The following CACNA1C variants were observed in gnomAD, a reference collection of about 807,000 sequenced individuals.
CACNA1C encodes calcium voltage-gated channel subunit alpha1 C.
In CACNA1C, 30 loss-of-function variants were observed where a neutral mutation model predicts 229.0. The ratio of observed to expected loss-of-function variants is 0.13; its 90% CI spans 0.10 to 0.18. The LOEUF (loss-of-function observed/expected upper bound fraction) is 0.18. Among genes scored for constraint, CACNA1C ranks in the 10% least tolerant of loss-of-function variants. The pLI, the probability that CACNA1C is intolerant of heterozygous loss-of-function variation, is 1.00. For missense variants in CACNA1C, 1,658 were observed against 2,845.0 expected (o/e 0.58, Z 9.49); for synonymous variants, 1,114 against 1,132.5 (o/e 0.98, Z 0.33).
At chr12:2,200,903 G>A (rs1393973531) in intron 3 of CACNA1C, among the ~76,000 whole-genome samples, 1 of 152,122 alleles carries the variant, frequency 6.6e-6, no homozygotes, top group Admixed American at 6.6e-5. Context: ...GGTTTAGGTT[G>A]GTTTCAAAGA....
chr12:2,057,609 C>A (rs2055655240), intron 1 of CACNA1C, among the ~76,000 whole-genome samples: 2 of 152,210 alleles, frequency 1.3e-5, no homozygotes, highest in South Asian at 4.1e-4. Flanking sequence ...CCAGGTCCCA[C>A]AGTGACCTCT....
intron 13 of CACNA1C, among the ~76,000 whole-genome samples, chr12:2,572,475 TCTC>T (rs2055844783): frequency 1.9e-4 from 1 of 5,362 alleles, no homozygotes; most frequent in Non-Finnish European, 4.0e-4. Flanking sequence ...TCTTCCTCCT[TCTC>T]CTCTTCCTCC....
At chr12:2,390,376 T>C in intron 3 of CACNA1C, among the ~76,000 whole-genome samples, 1 of 152,186 alleles carries the variant, frequency 6.6e-6, no homozygotes, top group Non-Finnish European at 1.5e-5. Flanking sequence ...GAGAGACTCT[T>C]TTTTGGCTAG....
At chr12:2,314,435 C>T (rs1418183928) in intron 3 of CACNA1C, among the ~76,000 whole-genome samples, 1 of 152,206 alleles carries the variant, frequency 6.6e-6, no homozygotes, top group Non-Finnish European at 1.5e-5. Context: ...CTCGTGCACA[C>T]GGCTGTGTCG....
intron 7 of CACNA1C, among the ~76,000 whole-genome samples, chr12:2,500,050 G>A (rs1352323117): frequency 6.6e-6 from 1 of 152,160 alleles, no homozygotes; most frequent in Non-Finnish European, 1.5e-5. Flanking sequence ...ACCTTCTGTG[G>A]CAGCCGAGCA....
chr12:2,053,378 TGA>T lies in CACNA1C; in HGVS notation c.-184_-183del. 1 of 1,377,948 alleles carries T rather than the reference TGA, an allele frequency of 7.3e-7. No homozygotes were observed. The highest frequency in any genetic ancestry group is 2.9e-5 in the Admixed American group (1 of 34,370). The allele number at this position is 1,377,948 out of a possible 1,614,324, so 85.4% of individuals were successfully genotyped here. A position where few individuals can be genotyped will look rare whatever the true frequency, so the allele number is the denominator to read the frequency against. ...GTGGAAAGGAGCAGTTTTTGGGGTT[TGA>T]TGCCATAATGGGAATCAGGTAATCG... On this transcript the variant is annotated 5_prime_UTR_variant, in exon 1 of 47. It removes an upstream start codon present in the reference 5' UTR. Coordinates refer to ENST00000399655, the MANE Select transcript of CACNA1C (RefSeq NM_000719.7). This position sits in a 1 kb window ranked among gnomAD's most constrained non-coding sequence, Gnocchi z 5.8.
intron 9 of CACNA1C, among the ~76,000 whole-genome samples, chr12:2,530,018 A>G (rs1165949117): frequency 6.6e-6 from 1 of 152,256 alleles, no homozygotes; most frequent in African/African-American, 2.4e-5. Context: ...CACAATGCTC[A>G]TTTCATTCAC....
At chr12:2,064,936 C>T (rs779085039) in intron 1 of CACNA1C, among the ~76,000 whole-genome samples, 1 of 152,174 alleles carries the variant, frequency 6.6e-6, no homozygotes, top group African/African-American at 2.4e-5. Context: ...GATAAAAAAG[C>T]GCACAGGCTC....
chr12:2,261,531 C>T (rs772324663), intron 3 of CACNA1C, among the ~76,000 whole-genome samples: 13 of 152,138 alleles, frequency 8.5e-5, no homozygotes, highest in East Asian at 1.9e-4. Context: ...CACAGATACA[C>T]GAAAAAGGTC....
intron 1 of CACNA1C, among the ~76,000 whole-genome samples, chr12:2,032,814 C>G (rs1177651456): frequency 6.6e-6 from 1 of 152,206 alleles, no homozygotes; most frequent in Non-Finnish European, 1.5e-5. Context: ...CAGTAGAGAA[C>G]ATGAATGCGG....
rs1168984640 is a variant in CACNA1C at position 2,354,110 on chromosome 12, A to G, written c.478-94866A>G. Among the ~76,000 whole-genome samples, 1 of 152,104 alleles carries G rather than the reference A, an allele frequency of 6.6e-6. No homozygotes were observed. The highest frequency in any genetic ancestry group is 1.5e-5 in the Non-Finnish European group (1 of 68,008). On this transcript the variant is annotated intron_variant, in intron 3 of 46. Coordinates refer to ENST00000399655, the MANE Select transcript of CACNA1C (RefSeq NM_000719.7). This position sits in a 1 kb window ranked among gnomAD's most constrained non-coding sequence, Gnocchi z 4.6. ...GCTGGGAGGTTGCTCTGAAATGCTGATGGGGATGGAGTGGGGGCTGTCGGG... is the reference window on the plus strand; with the variant it reads ...GCTGGGAGGTTGCTCTGAAATGCTGGTGGGGATGGAGTGGGGGCTGTCGGG...
chr12:2,278,044 A>G (rs1229133417), intron 3 of CACNA1C, among the ~76,000 whole-genome samples: 1 of 152,234 alleles, frequency 6.6e-6, no homozygotes, highest in Non-Finnish European at 1.5e-5. Context: ...GTGAGGGCCA[A>G]TCTCAGTCCT....
At chr12:2,685,650 C>A (rs1289693373) in intron 43 of CACNA1C, 86 bp from the exon 44 acceptor site, 5 of 966,844 alleles carry the variant, frequency 5.2e-6, no homozygotes, top group Non-Finnish European at 8.3e-6. Context: ...AGGATCAGAG[C>A]AAAGTGCTTT....
chr12:2,668,157 G>C (rs187022814), intron 37 of CACNA1C, among the ~76,000 whole-genome samples: 10 of 152,278 alleles, frequency 6.6e-5, no homozygotes, highest in Non-Finnish European at 1.2e-4. Flanking sequence ...ATGCTGCCTG[G>C]CAGGTGGGCT....
At chr12:2,300,939 A>T (rs1343151749) in intron 3 of CACNA1C, among the ~76,000 whole-genome samples, 1 of 152,186 alleles carries the variant, frequency 6.6e-6, no homozygotes, top group Non-Finnish European at 1.5e-5. Context: ...GATGGGGATG[A>T]CGAGCAGCTG....
At chr12:2,058,136 C>G (rs2055965860) in intron 1 of CACNA1C, among the ~76,000 whole-genome samples, 2 of 152,148 alleles carry the variant, frequency 1.3e-5, no homozygotes, top group African/African-American at 4.8e-5. Context: ...ACTCGGTTTT[C>G]TTAGTTGTGT....
At chr12:2,281,340 A>G (rs1039001972) in intron 3 of CACNA1C, among the ~76,000 whole-genome samples, 3 of 152,112 alleles carry the variant, frequency 2.0e-5, no homozygotes, top group Non-Finnish European at 4.4e-5. Context: ...AAAATCATAT[A>G]TACTTAACCA....
chr12:2,596,947 C>T (rs946795613), intron 20 of CACNA1C, among the ~76,000 whole-genome samples: 3 of 152,182 alleles, frequency 2.0e-5, no homozygotes, highest in African/African-American at 4.8e-5. Context: ...AGATGCTGCT[C>T]AGATCCAGTA....
At chr12:2,175,830 G>T (rs2154270342) in intron 3 of CACNA1C, among the ~76,000 whole-genome samples, 1 of 152,254 alleles carries the variant, frequency 6.6e-6, no homozygotes, top group Non-Finnish European at 1.5e-5. Flanking sequence ...TCACTTACCG[G>T]CTTTCAAAGT....
Sources: allele counts gnomAD v4.1 joint callset (sites outside exome capture counted in the v4.1 genomes callset), GRCh38; gene constraint gnomAD v4.1.1; non-coding constraint Gnocchi (gnomAD v3.1); transcripts MANE v1.5; gene names NCBI Gene and HGNC (gene_info 2026-07-23, HGNC 2026-07-21).